ELN: variants seen among roughly 807,000 people sequenced by gnomAD.
ELN encodes the protein tropoelastin.
In ELN, 65 loss-of-function variants were observed where a neutral mutation model predicts 105.8. The ratio of observed to expected loss-of-function variants is 0.61; its 90% CI spans 0.50 to 0.75. The LOEUF is 0.75. ELN is among the 30% of genes least tolerant of loss of function. ELN has a pLI of 0.00. For synonymous variants in ELN, 368 were observed against 389.2 expected, an observed-to-expected ratio of 0.95 and a Z score of 0.64; for missense variants, 882 against 969.4, an observed-to-expected ratio of 0.91 and a Z score of 1.20.
Position 74,051,225 on chromosome 7 carries a change from T to C in ELN, c.800-525T>C, listed in dbSNP as rs557369874. On this transcript the variant is annotated intron_variant, in intron 15 of 32. Transcript: ENST00000252034. ...CCCCACCAGCCCGAGAGAGCGAGAATGTGGGGAGAAGCCTGAAGCTGGGCC... is the reference window on the plus strand; with the variant it reads ...CCCCACCAGCCCGAGAGAGCGAGAACGTGGGGAGAAGCCTGAAGCTGGGCC... Among the ~76,000 whole-genome samples, 4 of 152,184 alleles carry C rather than the reference T, an allele frequency of 2.6e-5. No homozygotes were observed. The South Asian group carries it at 8.3e-4, about 32-fold the overall frequency.
At chr7:74,065,074 C>T (rs1457225506) in intron 29 of ELN, among the ~76,000 whole-genome samples, 1 of 151,286 alleles carries the variant, frequency 6.6e-6, no homozygotes. Flanking sequence ...GACCCCCCCC[C>T]ACCACCACCT....
intron 18 of ELN, among the ~76,000 whole-genome samples, chr7:74,054,043 C>G (rs1487859494): frequency 6.6e-6 from 1 of 151,882 alleles, no homozygotes. Context: ...GAATGGTGGG[C>G]AAGCAAATGC....
rs1554677524 is a variant in ELN at position 74,053,318 on chromosome 7, G to C, written c.1096+9G>C. The stretch of plus-strand genomic sequence containing the variant: ...AGGTGCTGCGGTTCCAGGTGAGCTG[G>C]GCTGTGTGTGTGTGTGTGTGTGTGT... On this transcript the variant is annotated intron_variant, in intron 18 of 32. Coordinates refer to ENST00000252034, the MANE Select transcript of ELN (RefSeq NM_000501.4). The C allele has an allele frequency of 6.3e-7, 1 of 1,580,900 alleles. No individual in the cohort carries two copies. The highest frequency in any genetic ancestry group is 8.6e-7 in the Non-Finnish European group (1 of 1,168,874).
rs782775946 is a variant in ELN, at chr7:74,056,696, C to T, written c.1340C>T (p.Ala447Val). 3 of 1,613,776 alleles carry T rather than the reference C, an allele frequency of 1.9e-6. No homozygotes were observed. Among genetic ancestry groups the T allele is most frequent in the Non-Finnish European group, 2.5e-6 (3 of 1,180,030 alleles). Residue 447 changes from alanine to valine, a missense_variant, in exon 21 of 33, where the codon GCC becomes GTC. Transcript: ENST00000252034. ...ISPEAQAAAA[A>V]KAAKYGVGTP... ...GCCGAAGCTCAGGCAGCAGCTGCCGCCAAGGCTGCCAAGTACGGTAAGTGC... is the reference window on the plus strand; with the variant it reads ...GCCGAAGCTCAGGCAGCAGCTGCCGTCAAGGCTGCCAAGTACGGTAAGTGC...
chr7:74,031,612 A>G (rs2356532), intron 1 of ELN, among the ~76,000 whole-genome samples: 17,349 of 151,858 alleles, frequency 0.11, 1,381 homozygotes, highest in East Asian at 0.21. Context: ...ATTTGAGTTA[A>G]ACCTAAAGAG....
rs2132848987 is a variant in ELN at position 74,069,294 on chromosome 7, C to G, written c.*594C>G. The G allele has an allele frequency of 4.2e-6, 1 of 237,892 alleles. No individual in the cohort carries two copies. The highest frequency in any genetic ancestry group is 6.0e-5 in the East Asian group (1 of 16,706). 14.7% of individuals were successfully genotyped at this position (237,892 alleles called of 1,614,324 possible). ...GGGCGCTTTTGGGTTGGAAAACCAC[C>G]CCACACTGGGAATAGCCACCTTGCC... On this transcript the variant is annotated 3_prime_UTR_variant, in exon 33 of 33. Coordinates refer to ENST00000252034, the MANE Select transcript of ELN (RefSeq NM_000501.4).
intron 18 of ELN, 37 bp from the exon 19 acceptor site, chr7:74,054,679 C>T (rs782098831): frequency 6.2e-7 from 1 of 1,609,374 alleles, no homozygotes; most frequent in South Asian, 1.1e-5. Flanking sequence ...CTCCTCCAAT[C>T]TCTCCTGAGC....
At chr7:74,042,932 T>C (rs567930965) in intron 6 of ELN, 52 bp from the exon 7 acceptor site, 2 of 1,614,112 alleles carry the variant, frequency 1.2e-6, no homozygotes, top group South Asian at 2.2e-5. Context: ...CCCGGGCCCT[T>C]CTGCCTCCCC....
intron 1 of ELN, among the ~76,000 whole-genome samples, chr7:74,033,741 C>G (rs547654027): frequency 1.3e-5 from 2 of 152,330 alleles, no homozygotes; most frequent in African/African-American, 4.8e-5. Context: ...AGAGGCCAGA[C>G]GTCTGGCCGC....
intron 15 of ELN, among the ~76,000 whole-genome samples, chr7:74,050,605 G>GCATTCATTCATTCATTCATT (rs111893691): frequency 1.3e-5 from 2 of 150,626 alleles, no homozygotes; most frequent in African/African-American, 4.9e-5. Flanking sequence ...ATTCACCCAT[G>GCATTCATTCATTCATTCATT]CATTCATTCA....
rs2131923109 is a variant in ELN at position 74,053,246 on chromosome 7, G to A, written c.1033G>A (p.Gly345Ser). Residue 345 changes from glycine to serine, a missense_variant, in exon 18 of 33, where the codon GGT (glycine) becomes AGT (serine). By Grantham distance (56) the Gly-to-Ser change is moderately conservative. Transcript: ENST00000252034. ...GVPGAGVPGVGVPGAGIPVVP... is the reference protein window; with the variant it reads ...GVPGAGVPGVSVPGAGIPVVP... ...CCCAGGAGCTGGCGTTCCAGGTGTT[G>A]GTGTCCCAGGAGCTGGGATTCCAGT... The A allele has an allele frequency of 1.2e-6, 2 of 1,613,978 alleles. No individual in the cohort carries two copies. Among genetic ancestry groups the A allele is most frequent in the South Asian group, 2.2e-5 (2 of 91,068 alleles).
intron 1 of ELN, among the ~76,000 whole-genome samples, chr7:74,028,495 CA>C (rs1787938087): frequency 6.6e-6 from 1 of 152,210 alleles, no homozygotes; most frequent in Non-Finnish European, 1.5e-5. Flanking sequence ...AGTCCCAGCC[CA>C]GCATCCAGGC....
chr7:74,068,687 G>A lies in ELN; in HGVS notation c.2162G>A (p.Arg721Gln), dbSNP rs782197482. 2.3e-5 allele frequency: 37 copies of A among 1,613,984 alleles called. No homozygotes were observed. The highest frequency in any genetic ancestry group is 6.7e-5 in the African/African-American group (5 of 74,896). ...GCCTGCCTGGGGAAAGCTTGTGGCC[G>A]GAAGAGAAAATGAGCTTCCTAGGAC... ...GGACLGKACG[R>Q]KRK The change falls in exon 33 of 33, where the codon CGG becomes CAG. Residue 721 changes from arginine (R) to glutamine (Q), a missense_variant. Coordinates refer to ENST00000252034, the MANE Select transcript of ELN (RefSeq NM_000501.4).
At chr7:74,031,344 G>C (rs1292159218) in intron 1 of ELN, among the ~76,000 whole-genome samples, 2 of 152,196 alleles carry the variant, frequency 1.3e-5, no homozygotes, top group African/African-American at 4.8e-5. Context: ...TCAAATAAAA[G>C]GACCGTGGGA....
At chr7:74,059,294 A>T (rs1158475371) in intron 22 of ELN, among the ~76,000 whole-genome samples, 3 of 152,140 alleles carry the variant, frequency 2.0e-5, no homozygotes, top group African/African-American at 4.8e-5. Context: ...TGAGATTTGA[A>T]CCCAAAGCCT....
At chr7:74,029,709 G>A (rs1788245615) in intron 1 of ELN, among the ~76,000 whole-genome samples, 1 of 152,214 alleles carries the variant, frequency 6.6e-6, no homozygotes, top group African/African-American at 2.4e-5. Context: ...GAAAGCAGCA[G>A]CCCCGGGTCC....
At chr7:74,039,394 C>CG (rs782385945) in intron 4 of ELN, among the ~76,000 whole-genome samples, 3 of 152,200 alleles carry the variant, frequency 2.0e-5, no homozygotes, top group Non-Finnish European at 4.4e-5. Context: ...ACAGAAGGGT[C>CG]GGCAGAGCCC....
intron 19 of ELN, 121 bp from the exon 20 acceptor site, chr7:74,056,150 C>A (rs1554679432): frequency 2.7e-5 from 38 of 1,390,226 alleles, no homozygotes; most frequent in Non-Finnish European, 3.8e-5. Flanking sequence ...AGTTTTCTGT[C>A]TTTTATGGAC....
At chr7:74,058,258 C>T (rs982239483) in intron 22 of ELN, among the ~76,000 whole-genome samples, 5 of 81,298 alleles carry the variant, frequency 6.2e-5, no homozygotes, top group Non-Finnish European at 1.2e-4. Flanking sequence ...CTTTCTTCTT[C>T]TTTCTCCTTC....
Sources: gnomAD v4.1 joint callset for allele counts (sites outside exome capture counted in the v4.1 genomes callset) on GRCh38, gnomAD v4.1.1 for gene constraint, MANE v1.5 for transcripts, NCBI Gene and HGNC (gene_info 2026-07-23, HGNC 2026-07-21) for gene names.